Variants in HDHD2 observed in about 807,000 individuals in gnomAD.
HDHD2 encodes haloacid dehalogenase-like hydrolase domain-containing protein 2.
In HDHD2, 26 loss-of-function variants were observed where a neutral mutation model predicts 24.8. The observed-to-expected ratio is 1.05, with a 90% confidence interval of 0.77 to 1.45. The LOEUF (loss-of-function observed/expected upper bound fraction) is 1.45. HDHD2 is among the 40% of genes most tolerant of loss of function. HDHD2 has a pLI of 0.00. For missense variants in HDHD2, 299 were observed against 313.4 expected (o/e 0.95, Z 0.35); for synonymous variants, 128 against 114.9 (o/e 1.11, Z -0.73).
Position 47,139,418 on chromosome 18 carries a change from T to C in HDHD2, c.-10-2969A>G, listed in dbSNP as rs536834624. ...AGGCGGAGCTTGCAGTGAGCCAAGA[T>C]CGTGCCACTGCACTCCAGCCTGGGT... is the stretch of plus-strand genomic sequence containing the variant. On this transcript the variant is annotated intron_variant, in intron 1 of 6. Coordinates refer to ENST00000300605, the MANE Select transcript of HDHD2 (RefSeq NM_032124.5). 6.9e-5 allele frequency among the ~76,000 whole-genome samples: 9 copies of C among 129,606 alleles called. No individual in the cohort carries two copies. The South Asian group carries it at 2.1e-3, about 31-fold the overall frequency. The allele number at this position is 129,606 out of a possible 152,430, so 85.0% of individuals were successfully genotyped here. A position where few individuals can be genotyped will look rare whatever the true frequency, so the allele number is the denominator to read the frequency against.
intron 5 of HDHD2, 90 bp downstream of exon 5, chr18:47,115,040 CAG>C (rs1676366133): frequency 1.2e-6 from 1 of 853,284 alleles, no homozygotes; most frequent in Non-Finnish European, 1.9e-6. Flanking sequence ...TTGTCAGTAA[CAG>C]AATGTCCCCT....
intron 5 of HDHD2, among the ~76,000 whole-genome samples, chr18:47,113,664 T>G (rs2063533881): frequency 6.6e-6 from 1 of 152,048 alleles, no homozygotes; most frequent in Non-Finnish European, 1.5e-5. Flanking sequence ...TAATTAAAAT[T>G]CCAAGGACTG....
chr18:47,134,791 T>A, intron 2 of HDHD2, 87 bp from the exon 3 acceptor site: 2 of 1,047,996 alleles, frequency 1.9e-6, no homozygotes, highest in South Asian at 3.0e-5. Flanking sequence ...CTGTGCCAAA[T>A]GTTTTTATGG....
intron 5 of HDHD2, among the ~76,000 whole-genome samples, chr18:47,114,100 T>C (rs1310209932): frequency 6.6e-6 from 1 of 152,160 alleles, no homozygotes; most frequent in East Asian, 1.9e-4. Context: ...TTTTTAGACA[T>C]ATTTGTCTAG....
chr18:47,132,436 C>G (rs2063722285), intron 3 of HDHD2, among the ~76,000 whole-genome samples: 1 of 152,060 alleles, frequency 6.6e-6, no homozygotes, highest in African/African-American at 2.4e-5. Flanking sequence ...ATTTTTGTAT[C>G]TATATTTTAG....
intron 3 of HDHD2, among the ~76,000 whole-genome samples, chr18:47,133,391 A>ATCAT (rs1368364332): frequency 1.3e-5 from 2 of 151,790 alleles, no homozygotes; most frequent in East Asian, 3.8e-4. Flanking sequence ...AATCCAGTCT[A>ATCAT]TCATTGATGG....
At chr18:47,128,455 T>TA (rs2063681358) in intron 4 of HDHD2, among the ~76,000 whole-genome samples, 1 of 152,200 alleles carries the variant, frequency 6.6e-6, no homozygotes, top group South Asian at 2.1e-4. Context: ...TTGTAGAACT[T>TA]ACTTAAGGAG....
intron 6 of HDHD2, chr18:47,111,677 C>T: frequency 1.0e-6 from 1 of 985,386 alleles, no homozygotes; most frequent in Non-Finnish European, 1.2e-6. Flanking sequence ...TGCAAGGCTC[C>T]AATGGTTCAC....
chr18:47,147,994 T>C (rs2063889672), intron 1 of HDHD2, among the ~76,000 whole-genome samples: 1 of 146,964 alleles, frequency 6.8e-6, no homozygotes, highest in East Asian at 1.9e-4. Context: ...TTCTTTCTTT[T>C]TTTTTTTTTT....
At chr18:47,114,628 AGC>A (rs2063542698) in intron 5 of HDHD2, among the ~76,000 whole-genome samples, 1 of 152,176 alleles carries the variant, frequency 6.6e-6, no homozygotes, top group Admixed American at 6.5e-5. Context: ...TCCCAGGCTC[AGC>A]CCTGCCACTC....
intron 1 of HDHD2, among the ~76,000 whole-genome samples, chr18:47,149,689 T>C (rs984118503): frequency 6.6e-6 from 1 of 152,164 alleles, no homozygotes; most frequent in Non-Finnish European, 1.5e-5. Flanking sequence ...CAGTCTCTGA[T>C]AACCATCACT....
intron 4 of HDHD2, among the ~76,000 whole-genome samples, chr18:47,127,523 C>T (rs2063670676): frequency 6.6e-6 from 1 of 151,960 alleles, no homozygotes; most frequent in Non-Finnish European, 1.5e-5. Context: ...TATTTTTAGT[C>T]TTGTTAATAC....
chr18:47,138,638 A>T (rs755914440), intron 1 of HDHD2, among the ~76,000 whole-genome samples: 3 of 152,224 alleles, frequency 2.0e-5, no homozygotes, highest in African/African-American at 4.8e-5. Flanking sequence ...GGATGTTTTC[A>T]TACCTAATAA....
chr18:47,125,667 C>T (rs1165120196), intron 4 of HDHD2, among the ~76,000 whole-genome samples: 4 of 152,136 alleles, frequency 2.6e-5, no homozygotes, highest in African/African-American at 4.8e-5. Flanking sequence ...TGATTTCATT[C>T]ATATGAAGAT....
intron 1 of HDHD2, among the ~76,000 whole-genome samples, chr18:47,148,427 A>G (rs1340136449): frequency 1.3e-5 from 2 of 152,182 alleles, no homozygotes; most frequent in Non-Finnish European, 2.9e-5. Flanking sequence ...TTGAGTCCAT[A>G]CCCATCTCCC....
intron 3 of HDHD2, among the ~76,000 whole-genome samples, chr18:47,131,748 A>T (rs914485856): frequency 2.0e-5 from 3 of 151,932 alleles, no homozygotes; most frequent in African/African-American, 7.3e-5. Flanking sequence ...ACCTTTAATT[A>T]AAAAAAATAC....
intron 1 of HDHD2, among the ~76,000 whole-genome samples, chr18:47,140,816 C>T (rs72907236): frequency 1.3e-5 from 2 of 148,854 alleles, no homozygotes; most frequent in African/African-American, 2.5e-5. Context: ...TACACCTGGC[C>T]CCAAACTTTC....
intron 1 of HDHD2, among the ~76,000 whole-genome samples, chr18:47,146,239 A>G (rs1357237237): frequency 6.6e-6 from 1 of 152,040 alleles, no homozygotes; most frequent in Non-Finnish European, 1.5e-5. Flanking sequence ...CAAAAAAAAA[A>G]AAAAAAAAAG....
intron 1 of HDHD2, among the ~76,000 whole-genome samples, chr18:47,137,802 A>C (rs2063780511): frequency 6.6e-6 from 1 of 151,962 alleles, no homozygotes; most frequent in South Asian, 2.1e-4. Context: ...AGCAGGGATA[A>C]ATTACTCAAA....
Sources: allele counts gnomAD v4.1 joint callset (sites outside exome capture counted in the v4.1 genomes callset), GRCh38; gene constraint gnomAD v4.1.1; transcripts MANE v1.5; gene names NCBI Gene and HGNC (gene_info 2026-07-23, HGNC 2026-07-21).